Variants in C8orf34 observed in about 807,000 individuals in gnomAD.
C8orf34 encodes chromosome 8 open reading frame 34.
In C8orf34, 65 loss-of-function variants were observed where a neutral mutation model predicts 68.3. The observed-to-expected ratio is 0.95, with a 90% confidence interval of 0.78 to 1.17. The LOEUF (loss-of-function observed/expected upper bound fraction) is 1.17, where lower values mean the gene tolerates loss of function less well. Among genes scored for constraint, C8orf34 ranks in the 50% most tolerant of loss-of-function variants. The probability of loss-of-function intolerance (pLI) is 0.00; values close to 1 mark genes in which losing one functional copy is unlikely to be tolerated. For synonymous variants in C8orf34, 244 were observed against 241.2 expected (o/e 1.01, Z -0.11); for missense variants, 664 against 655.4 (o/e 1.01, Z -0.14).
At chr8:68,428,259 G>T (rs1330436802) in intron 1 of C8orf34, among the ~76,000 whole-genome samples, 1 of 152,000 alleles carries the variant, frequency 6.6e-6, no homozygotes, top group Non-Finnish European at 1.5e-5. Flanking sequence ...CAGATGGATG[G>T]TTGGAGATCA....
chr8:68,728,768 G>A (rs570738616), intron 10 of C8orf34, among the ~76,000 whole-genome samples: 143 of 152,308 alleles, frequency 9.4e-4, no homozygotes, highest in African/African-American at 3.3e-3. Flanking sequence ...TACAATTCAA[G>A]TTGAGATTTC....
intron 12 of C8orf34, chr8:68,791,172 C>T (rs1823984325): frequency 1.4e-5 from 6 of 416,156 alleles, no homozygotes; most frequent in Non-Finnish European, 2.5e-5. Context: ...GTTTAATTGA[C>T]TCACAGTTCC....
intron 5 of C8orf34, among the ~76,000 whole-genome samples, chr8:68,519,884 T>C (rs1360168947): frequency 6.6e-6 from 1 of 152,194 alleles, no homozygotes; most frequent in East Asian, 1.9e-4. Flanking sequence ...TGGAAAAGTA[T>C]TCTGAAGTTG....
chr8:68,466,731 C>T (rs1355373337), intron 3 of C8orf34, among the ~76,000 whole-genome samples: 2 of 77,600 alleles, frequency 2.6e-5, no homozygotes, highest in South Asian at 4.0e-4. Context: ...AAATAAACAA[C>T]GTTGTACATA....
intron 1 of C8orf34, among the ~76,000 whole-genome samples, chr8:68,391,766 G>A (rs1410914200): frequency 6.6e-6 from 1 of 152,110 alleles, no homozygotes; most frequent in Admixed American, 6.6e-5. Context: ...TATCTAAAAT[G>A]TGGCCAGCCA....
chr8:68,692,698 T>C (rs1820720073), intron 8 of C8orf34, among the ~76,000 whole-genome samples: 1 of 152,104 alleles, frequency 6.6e-6, no homozygotes, highest in African/African-American at 2.4e-5. Flanking sequence ...AAGTCTTTAG[T>C]GTTACCTTTG....
At chr8:68,403,237 C>G (rs1340205058) in intron 1 of C8orf34, among the ~76,000 whole-genome samples, 6 of 151,850 alleles carry the variant, frequency 4.0e-5, no homozygotes, top group Non-Finnish European at 5.9e-5. Flanking sequence ...GGCAGTGATT[C>G]CTGTGTCATG....
At chr8:68,426,646 A>G (rs749241468) in intron 1 of C8orf34, among the ~76,000 whole-genome samples, 6 of 151,900 alleles carry the variant, frequency 3.9e-5, no homozygotes, top group African/African-American at 1.5e-4. Flanking sequence ...CTCTCAAAAC[A>G]TATTAAAAAA....
intron 7 of C8orf34, among the ~76,000 whole-genome samples, chr8:68,589,956 A>C (rs973109410): frequency 2.7e-5 from 4 of 149,386 alleles, no homozygotes; most frequent in African/African-American, 9.9e-5. Flanking sequence ...GAGGAAAGGA[A>C]GAAAGAAAAA....
chr8:68,574,029 T>A (rs1199395300), intron 7 of C8orf34, among the ~76,000 whole-genome samples: 6 of 152,184 alleles, frequency 3.9e-5, no homozygotes, highest in African/African-American at 1.2e-4. Context: ...ATTTAAACTT[T>A]ACCCATTTCC....
intron 8 of C8orf34, among the ~76,000 whole-genome samples, chr8:68,661,429 G>A (rs751992924): frequency 5.3e-5 from 8 of 152,152 alleles, no homozygotes; most frequent in Non-Finnish European, 7.3e-5. Context: ...AGCTAGTTCC[G>A]GGTTCTTGTC....
intron 10 of C8orf34, among the ~76,000 whole-genome samples, chr8:68,766,125 C>T (rs1258445339): frequency 6.6e-6 from 1 of 152,130 alleles, no homozygotes; most frequent in Non-Finnish European, 1.5e-5. Flanking sequence ...CCTAGTAATA[C>T]CGCTTATCTG....
rs138476996 is a variant in C8orf34, at chr8:68,708,613, C to G, written c.1242-381C>G. Among the ~76,000 whole-genome samples the G allele has an allele frequency of 1.2e-4, 18 of 152,286 alleles. No homozygotes were observed. In the East Asian group the frequency reaches 3.5e-3, roughly 29 times the overall value. Reference sequence around the variant, plus strand: ...TAAACCTCAGTGGAATTAGGAAAATCCTTTTATGACTCCCAGACCCTGATG... The same window carrying G: ...TAAACCTCAGTGGAATTAGGAAAATGCTTTTATGACTCCCAGACCCTGATG... On this transcript the variant is annotated intron_variant, in intron 8 of 13. Coordinates refer to ENST00000518698, the MANE Select transcript of C8orf34 (RefSeq NM_052958.4).
intron 7 of C8orf34, among the ~76,000 whole-genome samples, chr8:68,609,551 G>T (rs941724948): frequency 1.3e-5 from 2 of 152,160 alleles, no homozygotes; most frequent in Non-Finnish European, 2.9e-5. Flanking sequence ...AATCATTGGT[G>T]TCAAACTAAG....
Position 68,786,855 on chromosome 8 carries a change from A to C in C8orf34, c.1456-588A>C, listed in dbSNP as rs1395444481. Among the ~76,000 whole-genome samples, 4 of 152,220 alleles carry C rather than the reference A, an allele frequency of 2.6e-5. No homozygotes were observed. In the South Asian group the frequency reaches 8.3e-4, roughly 31 times the overall value. ...GGGAGAATTAGACAGGATATGATAC[A>C]TGATCCTGGAAAACTTCCCAGATGG... On this transcript the variant is annotated intron_variant, in intron 11 of 13. Transcript: ENST00000518698.
At chr8:68,811,076 C>T (rs1824636501) in intron 12 of C8orf34, among the ~76,000 whole-genome samples, 1 of 152,198 alleles carries the variant, frequency 6.6e-6, no homozygotes, top group African/African-American at 2.4e-5. Context: ...CCATGGTGCC[C>T]AGGTTGTTTG....
At chr8:68,724,879 G>C (rs1242273647) in intron 10 of C8orf34, among the ~76,000 whole-genome samples, 1 of 151,060 alleles carries the variant, frequency 6.6e-6, no homozygotes, top group Non-Finnish European at 1.5e-5. Context: ...TTTCTTTTTT[G>C]AGACAGAGTC....
At chr8:68,473,745 A>T (rs1341067548) in intron 4 of C8orf34, among the ~76,000 whole-genome samples, 1 of 151,884 alleles carries the variant, frequency 6.6e-6, no homozygotes, top group Non-Finnish European at 1.5e-5. Context: ...TCTTCTTTCT[A>T]CTCCTCAAAC....
intron 7 of C8orf34, among the ~76,000 whole-genome samples, chr8:68,626,869 C>A (rs748747075): frequency 2.6e-5 from 4 of 151,864 alleles, no homozygotes; most frequent in Admixed American, 6.6e-5. Context: ...CCTAAAAGGG[C>A]CAGCAAAAAT....
Sources: gnomAD v4.1 joint callset for allele counts (sites outside exome capture counted in the v4.1 genomes callset) on GRCh38, gnomAD v4.1.1 for gene constraint, MANE v1.5 for transcripts, NCBI Gene and HGNC (gene_info 2026-07-23, HGNC 2026-07-21) for gene names.